Variants in NBEA observed in about 807,000 individuals in gnomAD.
NBEA encodes neurobeachin.
A neutral mutation model predicts 343.4 loss-of-function variants in NBEA; 44 were observed. The ratio of observed to expected loss-of-function variants is 0.13; its 90% CI spans 0.10 to 0.16. The LOEUF (loss-of-function observed/expected upper bound fraction) is 0.16, where lower values mean the gene tolerates loss of function less well. Among genes scored for constraint, NBEA ranks in the 10% least tolerant of loss-of-function variants. The pLI is 1.00. For synonymous variants in NBEA, 1,175 were observed against 1,238.7 expected, an observed-to-expected ratio of 0.95 and a Z score of 1.08; for missense variants, 2,555 against 3,631.3, an observed-to-expected ratio of 0.70 and a Z score of 7.62.
At chr13:35,022,713 G>T (rs746720944) in intron 1 of NBEA, among the ~76,000 whole-genome samples, 40 of 151,990 alleles carry the variant, frequency 2.6e-4, no homozygotes, top group Non-Finnish European at 5.3e-4. Flanking sequence ...AGAAGACATG[G>T]ATTTAAATTC....
At chr13:35,591,945 T>C (rs1032747047) in intron 46 of NBEA, among the ~76,000 whole-genome samples, 1 of 151,998 alleles carries the variant, frequency 6.6e-6, no homozygotes, top group Non-Finnish European at 1.5e-5. Flanking sequence ...GAGAGAAGAA[T>C]TGAAGCAGGG....
chr13:35,147,650 T>G (rs1401618034), intron 18 of NBEA, among the ~76,000 whole-genome samples: 1 of 152,160 alleles, frequency 6.6e-6, no homozygotes, highest in Non-Finnish European at 1.5e-5. Flanking sequence ...GGTGCCAGAC[T>G]GTGTCTGGGT....
rs752789102 is a variant in NBEA, at chr13:34,942,939, G to A, written c.119G>A (p.Ser40Asn). 3.2e-6 allele frequency: 5 copies of A among 1,572,016 alleles called. No homozygotes were observed. The African/African-American group carries it at 5.5e-5, about 17-fold the overall frequency. ...AGCGGTGGTGGCGGCACCGGGGGCA[G>A]CGGGATGGGGGAGCTAAGGGGGGCG... ...GGSGGGGTGG[S>N]GMGELRGASG... The change falls in exon 1 of 59, where the codon AGC becomes AAC. Residue 40 changes from serine (S) to asparagine (N), a missense_variant. By Grantham distance (46) the Ser-to-Asn change is conservative. This residue lies in a region of NBEA where 122 missense variants were observed against 91.0 expected (regional missense o/e 1.34). Transcript: ENST00000379939.
At chr13:35,644,283 T>C (rs1333669561) in intron 49 of NBEA, among the ~76,000 whole-genome samples, 1 of 152,212 alleles carries the variant, frequency 6.6e-6, no homozygotes. Context: ...TGATGCCTGA[T>C]TGGGGAACTC....
chr13:35,379,788 A>T (rs947854925), intron 38 of NBEA, among the ~76,000 whole-genome samples: 1 of 151,244 alleles, frequency 6.6e-6, no homozygotes, highest in African/African-American at 2.4e-5. Flanking sequence ...TGTAGTTAAG[A>T]TGTTTGTTTC....
At chr13:35,629,000 C>T (rs1044077348) in intron 49 of NBEA, among the ~76,000 whole-genome samples, 1 of 152,128 alleles carries the variant, frequency 6.6e-6, no homozygotes, top group African/African-American at 2.4e-5. Flanking sequence ...GAAATAGATG[C>T]AGTTATGCTA....
chr13:35,640,757 G>A (rs1032827909), intron 49 of NBEA, among the ~76,000 whole-genome samples: 1 of 152,180 alleles, frequency 6.6e-6, no homozygotes, highest in Non-Finnish European at 1.5e-5. Flanking sequence ...TGAGTTATGT[G>A]TCATATATGT....
At chr13:35,449,476 T>A (rs1009659733) in intron 39 of NBEA, among the ~76,000 whole-genome samples, 3 of 152,128 alleles carry the variant, frequency 2.0e-5, no homozygotes, top group African/African-American at 7.2e-5. Context: ...GTAAGAGAAA[T>A]GTTCAGTTAA....
In NBEA at chr13:35,034,383, T is replaced by C. The variant is rs180941603; in HGVS notation, c.295-6550T>C. On this transcript the variant is annotated intron_variant, in intron 1 of 58. Coordinates refer to ENST00000379939, the MANE Select transcript of NBEA (RefSeq NM_001385012.1). ...CCCATTTGATCATGATGGGTGATCT[T>C]TCTAATGTATTGTTGAATTTGGTGT... 3.7e-4 allele frequency among the ~76,000 whole-genome samples: 57 copies of C among 152,172 alleles called. No homozygotes were observed. The East Asian group carries it at 9.8e-3, about 26-fold the overall frequency.
At chr13:35,279,203 C>T (rs900874067) in intron 34 of NBEA, among the ~76,000 whole-genome samples, 10 of 152,098 alleles carry the variant, frequency 6.6e-5, no homozygotes, top group Non-Finnish European at 1.0e-4. Context: ...AAAGGAAGTA[C>T]TATTTTGTAA....
At chr13:35,287,276 C>G (rs1051361691) in intron 34 of NBEA, among the ~76,000 whole-genome samples, 9 of 151,954 alleles carry the variant, frequency 5.9e-5, no homozygotes, top group African/African-American at 2.2e-4. Flanking sequence ...GCACTCCTAA[C>G]TATATTTTTG....
chr13:35,327,722 C>A (rs1220390788), intron 36 of NBEA, among the ~76,000 whole-genome samples: 2 of 151,854 alleles, frequency 1.3e-5, no homozygotes, highest in Non-Finnish European at 2.9e-5. Context: ...CAAACCTCAA[C>A]ATCATGCAAT....
At chr13:34,976,870 AT>A in intron 1 of NBEA, among the ~76,000 whole-genome samples, 1 of 150,378 alleles carries the variant, frequency 6.6e-6, no homozygotes, top group Non-Finnish European at 1.5e-5. Flanking sequence ...CTCCAGGAAG[AT>A]TGTTCAAATT....
chr13:35,090,116 A>C (rs902245836), intron 10 of NBEA, among the ~76,000 whole-genome samples: 1 of 150,798 alleles, frequency 6.6e-6, no homozygotes, highest in African/African-American at 2.4e-5. Context: ...TAGTCAGTGT[A>C]GGTTATATGA....
At chr13:35,298,623 T>G (rs1016976042) in intron 35 of NBEA, among the ~76,000 whole-genome samples, 1 of 151,934 alleles carries the variant, frequency 6.6e-6, no homozygotes, top group Non-Finnish European at 1.5e-5. Flanking sequence ...CAGTCTAGAC[T>G]TTTTTATTAC....
intron 41 of NBEA, among the ~76,000 whole-genome samples, chr13:35,536,416 G>GT (rs201712339): frequency 0.018 from 2,776 of 150,936 alleles, 79 homozygotes; most frequent in African/African-American, 0.061. Flanking sequence ...ATCTGCATTT[G>GT]TTTTTTTTTA....
intron 10 of NBEA, among the ~76,000 whole-genome samples, chr13:35,093,563 G>C (rs1253580591): frequency 6.6e-6 from 1 of 151,982 alleles, no homozygotes; most frequent in Non-Finnish European, 1.5e-5. Context: ...CCAAGATAAA[G>C]GACTGGGCAT....
At chr13:35,619,207 A>G (rs2082871326) in intron 48 of NBEA, among the ~76,000 whole-genome samples, 5 of 152,004 alleles carry the variant, frequency 3.3e-5, no homozygotes. Flanking sequence ...TCAAAATATC[A>G]AGATAGACAT....
rs1490670556 is a variant in NBEA, at chr13:35,425,327, A to C, written c.6180-6942A>C. On this transcript the variant is annotated intron_variant, in intron 38 of 58. Transcript: ENST00000379939. ...CTACACACTGCTTTGAATGTGTCCC[A>C]GAGATTCTGCTATGTTGTGTCTTTG... Among the ~76,000 whole-genome samples, 16 of 152,310 alleles carry C rather than the reference A, an allele frequency of 1.1e-4. 1 individual carries two copies. Among genetic ancestry groups the C allele is most frequent in the African/African-American group, 1.9e-4 (8 of 41,578 alleles).
Sources: gnomAD v4.1 joint callset for allele counts (sites outside exome capture counted in the v4.1 genomes callset) on GRCh38, gnomAD v4.1.1 for gene constraint, gnomAD v4.1.1 regional missense constraint, MANE v1.5 for transcripts, NCBI Gene and HGNC (gene_info 2026-07-23, HGNC 2026-07-21) for gene names.